Variants in BOD1L1 observed in about 807,000 individuals in gnomAD.
The protein encoded by BOD1L1 is biorientation of chromosomes in cell division 1 like 1.
Under a neutral mutation model 240.7 loss-of-function variants are expected in BOD1L1, and 86 were observed. The observed-to-expected ratio is 0.36, with a 90% CI of 0.30 to 0.43. BOD1L1 has a LOEUF of 0.43. Ranked by LOEUF, BOD1L1 falls within the 20% of genes least tolerant of loss-of-function variation. The pLI, the probability that BOD1L1 is intolerant of heterozygous loss-of-function variation, is 1.00. For synonymous variants in BOD1L1, 1,268 were observed against 1,272.3 expected (o/e 1.00, Z 0.07); for missense variants, 3,554 against 3,643.5 (o/e 0.98, Z 0.63).
At chr4:13,618,184 C>G (rs372734577) in intron 2 of BOD1L1, among the ~76,000 whole-genome samples, 2 of 152,206 alleles carry the variant, frequency 1.3e-5, no homozygotes, top group East Asian at 3.9e-4. Context: ...AGATTTTATA[C>G]GCTATAAAAG....
At position 13,587,763 on chromosome 4, in the gene BOD1L1, C is replaced by T. The variant is rs1713824196; in HGVS notation, c.8289G>A (p.Glu2763=). The T allele has an allele frequency of 1.3e-6, 2 of 1,553,610 alleles. No individual in the cohort carries two copies. Among genetic ancestry groups the T allele is most frequent in the Non-Finnish European group, 1.7e-6 (2 of 1,145,820 alleles). ...SVEADPKEVE[E]EERHMPKRKR... ...TTCTTTTAGGCATATGCCTTTCTTCCTCTTCAACCTGGAATTAAGAATGAC... is the reference window on the plus strand; with the variant it reads ...TTCTTTTAGGCATATGCCTTTCTTCTTCTTCAACCTGGAATTAAGAATGAC... The change falls in exon 16 of 26, where the codon GAG becomes GAA. Residue 2763 remains glutamate (E), a synonymous_variant. Transcript: ENST00000040738.
chr4:13,577,392 T>G lies in BOD1L1; in HGVS notation c.8884+11A>C. The G allele has an allele frequency of 6.2e-7, 1 of 1,609,656 alleles. No individual in the cohort carries two copies. Among genetic ancestry groups the G allele is most frequent in the East Asian group, 2.2e-5 (1 of 44,812 alleles). On this transcript the variant is annotated intron_variant, in intron 24 of 25. Coordinates refer to ENST00000040738, the MANE Select transcript of BOD1L1 (RefSeq NM_148894.3). ...ACAATAAGACTTATTAAGAATTTGC[T>G]AGAAACATACCAGCATCATCTGATA...
At chr4:13,580,988 A>G in intron 21 of BOD1L1, 32 bp downstream of exon 21, 1 of 1,556,722 alleles carries the variant, frequency 6.4e-7, no homozygotes, top group Non-Finnish European at 8.7e-7. Flanking sequence ...AAGAGCAAGT[A>G]TTTGAAATTG....
chr4:13,597,943 G>C (rs1272076024), intron 10 of BOD1L1, among the ~76,000 whole-genome samples: 1 of 152,162 alleles, frequency 6.6e-6, no homozygotes, highest in Non-Finnish European at 1.5e-5. Flanking sequence ...TGATGGCTAA[G>C]GTCTATTTCA....
At chr4:13,615,551 TGCATTAA>T in intron 2 of BOD1L1, 49 bp from the exon 3 acceptor site, 3 of 1,490,798 alleles carry the variant, frequency 2.0e-6, no homozygotes, top group Non-Finnish European at 2.7e-6. Context: ...ATATATTATT[TGCATTAA>T]TTACTTTAAA....
intron 1 of BOD1L1, among the ~76,000 whole-genome samples, chr4:13,621,970 T>G (rs1717075143): frequency 6.6e-6 from 1 of 151,680 alleles, no homozygotes; most frequent in East Asian, 1.9e-4. Context: ...GTTCCAGTGA[T>G]TCTAGTGCCT....
intron 17 of BOD1L1, 55 bp from the exon 18 acceptor site, chr4:13,582,791 T>A: frequency 8.4e-7 from 1 of 1,196,992 alleles, no homozygotes; most frequent in South Asian, 1.3e-5. Flanking sequence ...CCTTCGTCCA[T>A]TCATCCTCCC....
chr4:13,621,301 T>C (rs1717016067), intron 1 of BOD1L1, among the ~76,000 whole-genome samples: 2 of 152,216 alleles, frequency 1.3e-5, no homozygotes, highest in Non-Finnish European at 2.9e-5. Context: ...CTGACTGATA[T>C]TAAGCAAGCA....
rs1350477705 is a variant in BOD1L1, at chr4:13,613,811, G to C, written c.1175-150C>G. 1 of 491,510 alleles carries C rather than the reference G, an allele frequency of 2.0e-6. No individual in the cohort carries two copies. The highest frequency in any genetic ancestry group is 3.9e-5 in the Admixed American group (1 of 25,496). 30.4% of individuals were successfully genotyped at this position (491,510 alleles called of 1,614,324 possible). On this transcript the variant is annotated intron_variant, in intron 4 of 25. Transcript: ENST00000040738. This position sits in a 1 kb window ranked among gnomAD's most constrained non-coding sequence, Gnocchi z 4.0. Reference sequence around the variant, plus strand: ...CAGAGTGGTTTCCAGAAAATACAAAGGCAAAGTAGACTTCTGTAAAAATAA... The same window carrying C: ...CAGAGTGGTTTCCAGAAAATACAAACGCAAAGTAGACTTCTGTAAAAATAA...
In BOD1L1 at chr4:13,595,964, AT is replaced by A. The variant is rs748175649; in HGVS notation, c.8020-21del. The A allele has an allele frequency of 8.7e-6, 14 of 1,607,092 alleles. No homozygotes were observed. The African/African-American group carries it at 1.9e-4, about 22-fold the overall frequency. On this transcript the variant is annotated intron_variant, in intron 11 of 25. Coordinates refer to ENST00000040738, the MANE Select transcript of BOD1L1 (RefSeq NM_148894.3). ...ATAAGCCTAAAAAATCCAAAGCACC[AT>A]AAAAATAAGTTAACCAGGGTTTTTA...
At chr4:13,577,128 A>G in intron 24 of BOD1L1, 137 bp from the exon 25 acceptor site, 1 of 1,085,934 alleles carries the variant, frequency 9.2e-7, no homozygotes, top group Non-Finnish European at 1.3e-6. Context: ...TTTTTGTTTC[A>G]GCACTTGCAA....
chr4:13,616,800 T>C (rs967562389), intron 2 of BOD1L1, among the ~76,000 whole-genome samples: 1 of 152,092 alleles, frequency 6.6e-6, no homozygotes, highest in South Asian at 2.1e-4. Flanking sequence ...ATGAGCCAAC[T>C]CAGCACAAAG....
At chr4:13,572,771 T>C in intron 25 of BOD1L1, 1 of 1,289,832 alleles carries the variant, frequency 7.8e-7, no homozygotes, top group Non-Finnish European at 1.0e-6. Flanking sequence ...TTTTTGGCGA[T>C]TTCTAGGAGA....
chr4:13,600,747 G>A lies in BOD1L1; in HGVS notation c.6153C>T (p.Ala2051=). The A allele has an allele frequency of 6.2e-7, 1 of 1,613,902 alleles. No homozygotes were observed. The highest frequency in any genetic ancestry group is 8.5e-7 in the Non-Finnish European group (1 of 1,179,870). The stretch of plus-strand genomic sequence containing the variant: ...TATTCTGGTTGGTAATATCACCACT[G>A]GCTGTAGTTGCCATGAGACCATCAC... ...EECDGLMATT[A]SGDITNQNSL... is the part of the protein sequence containing the mutation. Residue 2051 remains alanine, a synonymous_variant, in exon 10 of 26, where the codon GCC becomes GCT. Transcript: ENST00000040738.
chr4:13,627,349 G>T lies in BOD1L1; in HGVS notation c.239C>A (p.Thr80Asn). The stretch of plus-strand genomic sequence containing the variant: ...CAAACCCGGCGCGCTCCTAACCTTG[G>T]TGTCCACGTCGGCCAGGCAGTCTCT... Reference protein sequence around the residue: ...FRRDCLADVDTKPAYQNLRQR... With the variant: ...FRRDCLADVDNKPAYQNLRQR... Residue 80 changes from threonine to asparagine, a missense_variant, in exon 1 of 26, where the codon ACC (threonine) becomes AAC (asparagine). Thr to Asn is a moderately conservative substitution (Grantham distance 65, BLOSUM62 0). Around this residue, in one of 2 missense-constraint regions of BOD1L1, gnomAD observed 161 missense variants for 216.4 expected, o/e 0.74. Coordinates refer to ENST00000040738, the MANE Select transcript of BOD1L1 (RefSeq NM_148894.3). 1 of 1,326,920 alleles carries T rather than the reference G, an allele frequency of 7.5e-7. No homozygotes were observed. The highest frequency in any genetic ancestry group is 9.7e-7 in the Non-Finnish European group (1 of 1,027,904). The allele number at this position is 1,326,920 out of a possible 1,614,324, so 82.2% of individuals were successfully genotyped here.
At chr4:13,573,418 A>ATCTG (rs762800220) in intron 25 of BOD1L1, among the ~76,000 whole-genome samples, 3,511 of 130,446 alleles carry the variant, frequency 0.027, 52 homozygotes, top group African/African-American at 0.037. Context: ...GCTTCTATCT[A>ATCTG]TCTGTCTGTC....
rs1363075887 is a variant in BOD1L1, at chr4:13,614,369, CT to C, written c.1000del (p.Arg334GlufsTer36). On this transcript the variant is annotated frameshift_variant, in exon 4 of 26. Coordinates refer to ENST00000040738, the MANE Select transcript of BOD1L1 (RefSeq NM_148894.3). LOFTEE classifies it high-confidence loss of function. ...KKPDSNEKGE[R>X]KKEKKEKTEK... ...AGTCTTTTCCTTCTTTTCTTTCTTTCTTTCTCCTTTCTCATTGCTGTCTGGC... is the reference window on the plus strand; with the variant it reads ...AGTCTTTTCCTTCTTTTCTTTCTTTCTTCTCCTTTCTCATTGCTGTCTGGC... The C allele has an allele frequency of 6.4e-7, 1 of 1,550,662 alleles. No individual in the cohort carries two copies.
At position 13,610,963 on chromosome 4, in the gene BOD1L1, G is replaced by A; in HGVS notation, c.1462C>T (p.Leu488Phe). The change falls in exon 6 of 26, where the codon CTT (leucine) becomes TTT (phenylalanine). Residue 488 changes from leucine to phenylalanine, a missense_variant. Coordinates refer to ENST00000040738, the MANE Select transcript of BOD1L1 (RefSeq NM_148894.3). ...GACTGTCGTCGTTGTTCTACAGTAA[G>A]CTCATCATCAGAATCACTATAGTAT... is the stretch of plus-strand genomic sequence containing the variant. ...SKYYSDSDDE[L>F]TVEQRRQSIA... 8 of 1,610,362 alleles carry A rather than the reference G, an allele frequency of 5.0e-6. No individual in the cohort carries two copies. The highest frequency in any genetic ancestry group is 6.8e-6 in the Non-Finnish European group (8 of 1,178,710).
rs1715154939 is a variant in BOD1L1, at chr4:13,601,479, T to C, written c.5421A>G (p.Thr1807=). Residue 1807 remains threonine, a synonymous_variant, in exon 10 of 26, where the codon ACA becomes ACG. Coordinates refer to ENST00000040738, the MANE Select transcript of BOD1L1 (RefSeq NM_148894.3). ...TEDGEGPASC[T]GSEDSSEGFA... Reference sequence around the variant, plus strand: ...AGCCTTCGCTGCTATCTTCTGAACCTGTGCAACTTGCTGGCCCCTCTCCAT... The same window carrying C: ...AGCCTTCGCTGCTATCTTCTGAACCCGTGCAACTTGCTGGCCCCTCTCCAT... 6.2e-7 allele frequency: 1 copy of C among 1,614,046 alleles called. No homozygotes were observed. Among genetic ancestry groups the C allele is most frequent in the Non-Finnish European group, 8.5e-7 (1 of 1,179,888 alleles).
Sources: allele counts gnomAD v4.1 joint callset (sites outside exome capture counted in the v4.1 genomes callset), GRCh38; gene constraint gnomAD v4.1.1; regional missense constraint gnomAD v4.1.1; non-coding constraint Gnocchi (gnomAD v3.1); transcripts MANE v1.5; gene names NCBI Gene and HGNC (gene_info 2026-07-23, HGNC 2026-07-21).